Variants in ZMAT3 observed in about 807,000 individuals in gnomAD.
ZMAT3 encodes the protein zinc finger matrin-type 3, also known as zinc finger matrin-type protein 3.
ZMAT3 carries 17 observed loss-of-function variants against 32.3 expected under a neutral mutation model. The observed-to-expected ratio is 0.53, with a 90% CI of 0.36 to 0.79. The LOEUF (loss-of-function observed/expected upper bound fraction) is 0.79, where lower values mean the gene tolerates loss of function less well. Ranked by LOEUF, ZMAT3 falls within the 30% of genes least tolerant of loss-of-function variation. ZMAT3 has a pLI of 0.00. For synonymous variants in ZMAT3, 120 were observed against 133.1 expected (o/e 0.90, Z 0.68); for missense variants, 329 against 359.7 (o/e 0.91, Z 0.69).
In ZMAT3 at chr3:179,017,624, G is replaced by C. The variant is rs892571368; in HGVS notation, c.*7393C>G. On this transcript the variant is annotated 3_prime_UTR_variant, in exon 6 of 6. Transcript: ENST00000311417. ...ACACAGTTTGGGCTGACATTTTTTA[G>C]CTATATCCTTTATCAAAGATAGTTC... 4.6e-5 allele frequency: 7 copies of C among 152,090 alleles called. No homozygotes were observed. The highest frequency in any genetic ancestry group is 1.7e-4 in the African/African-American group (7 of 41,408). 9.4% of individuals were successfully genotyped at this position (152,090 alleles called of 1,614,324 possible).
intron 2 of ZMAT3, among the ~76,000 whole-genome samples, chr3:179,064,912 T>G (rs1220955690): frequency 6.6e-6 from 1 of 152,250 alleles, no homozygotes; most frequent in East Asian, 1.9e-4. Context: ...CACTCTCATC[T>G]TGACCATTTC....
In ZMAT3 at chr3:179,024,882, T is replaced by A; in HGVS notation, c.*135A>T. 1.2e-4 allele frequency: 73 copies of A among 618,430 alleles called. No individual in the cohort carries two copies. Among genetic ancestry groups the A allele is most frequent in the Middle Eastern group, 1.0e-3 (2 of 1,940 alleles). The allele number at this position is 618,430 out of a possible 1,614,324, so 38.3% of individuals were successfully genotyped here. ...CGGGCCCCCAGGTTTTGACATCTCA[T>A]GGTACCACTGTGGGTTACATGTATT... On this transcript the variant is annotated 3_prime_UTR_variant, in exon 6 of 6. Coordinates refer to ENST00000311417, the MANE Select transcript of ZMAT3 (RefSeq NM_022470.4).
upstream of ZMAT3, chr3:179,072,351 A>C (rs1351999201): frequency 1.4e-5 from 2 of 147,610 alleles, no homozygotes; most frequent in African/African-American, 5.0e-5. Flanking sequence ...CCACACACAC[A>C]CCTTCCCTCC....
intron 2 of ZMAT3, among the ~76,000 whole-genome samples, chr3:179,066,765 T>C (rs1257010002): frequency 6.6e-6 from 1 of 152,248 alleles, no homozygotes; most frequent in East Asian, 1.9e-4. Flanking sequence ...AGTTTAATTT[T>C]CCATTTGTTC....
chr3:179,024,849 C>T lies in ZMAT3; in HGVS notation c.*168G>A. The stretch of plus-strand genomic sequence containing the variant: ...GTTCTTCACACCCACCTCCCCCCGC[C>T]CCGCCCCCGGGCCCCCAGGTTTTGA... On this transcript the variant is annotated 3_prime_UTR_variant, in exon 6 of 6. Transcript: ENST00000311417. The T allele has an allele frequency of 4.0e-6, 2 of 503,518 alleles. No individual in the cohort carries two copies. Among genetic ancestry groups the T allele is most frequent in the Non-Finnish European group, 7.1e-6 (2 of 281,470 alleles). The allele number at this position is 503,518 out of a possible 1,614,324, so 31.2% of individuals were successfully genotyped here. A position where few individuals can be genotyped will look rare whatever the true frequency, so the allele number is the denominator to read the frequency against.
chr3:179,025,292 T>TTTG, intron 5 of ZMAT3, 64 bp from the exon 6 acceptor site: 1 of 1,284,250 alleles, frequency 7.8e-7, no homozygotes, highest in African/African-American at 1.5e-5. Context: ...ACCTGACCAA[T>TTTG]TATCACTGTA....
chr3:179,019,864 A>T lies in ZMAT3; in HGVS notation c.*5153T>A, dbSNP rs915326998. On this transcript the variant is annotated 3_prime_UTR_variant, in exon 6 of 6. Coordinates refer to ENST00000311417, the MANE Select transcript of ZMAT3 (RefSeq NM_022470.4). ...GAAGACAAGTTTGAAAATGACCACTAGAATAAAGAATTTTTCCAAACATCA... is the reference window on the plus strand; with the variant it reads ...GAAGACAAGTTTGAAAATGACCACTTGAATAAAGAATTTTTCCAAACATCA... 1.1e-4 allele frequency: 17 copies of T among 152,258 alleles called. No individual in the cohort carries two copies. Among genetic ancestry groups the T allele is most frequent in the African/African-American group, 4.1e-4 (17 of 41,544 alleles). 9.4% of individuals were successfully genotyped at this position (152,258 alleles called of 1,614,324 possible).
chr3:179,072,135 C>T (rs959186638), upstream of ZMAT3: 3 of 152,570 alleles, frequency 2.0e-5, no homozygotes, highest in Non-Finnish European at 4.4e-5. Flanking sequence ...CAACTTTCAT[C>T]TCCAGTCATT....
chr3:179,032,915 C>A (rs998770370), intron 2 of ZMAT3, among the ~76,000 whole-genome samples: 1 of 151,978 alleles, frequency 6.6e-6, no homozygotes, highest in Admixed American at 6.5e-5. Flanking sequence ...GGTGGGGGGG[C>A]GTCTCTGCCC....
intron 1 of ZMAT3, among the ~76,000 whole-genome samples, chr3:179,068,502 A>C (rs573644144): frequency 6.6e-6 from 1 of 151,384 alleles, no homozygotes; most frequent in African/African-American, 2.4e-5. Flanking sequence ...ACAGAGCAAG[A>C]CTGTGACTCA....
intron 2 of ZMAT3, among the ~76,000 whole-genome samples, chr3:179,042,197 TC>T (rs770499034): frequency 6.6e-5 from 10 of 151,812 alleles, no homozygotes; most frequent in Non-Finnish European, 1.5e-4. Context: ...ACTATTCCAA[TC>T]AATAAAAAGA....
intron 2 of ZMAT3, among the ~76,000 whole-genome samples, chr3:179,055,838 T>C (rs1015657272): frequency 3.3e-5 from 5 of 152,146 alleles, no homozygotes; most frequent in Non-Finnish European, 7.4e-5. Context: ...GCCCGAGAGT[T>C]TGGCGATCTT....
At chr3:179,030,730 A>G (rs1396125695) in intron 3 of ZMAT3, 150 bp downstream of exon 3, 1 of 1,213,126 alleles carries the variant, frequency 8.2e-7, no homozygotes, top group Non-Finnish European at 1.1e-6. Flanking sequence ...ACTGTAGTTC[A>G]AGGAGTTAAA....
At position 179,040,100 on chromosome 3, in the gene ZMAT3, G is replaced by A. The variant is rs572389844; in HGVS notation, c.271-9101C>T. Among the ~76,000 whole-genome samples, 11 of 152,274 alleles carry A rather than the reference G, an allele frequency of 7.2e-5. No homozygotes were observed. In the South Asian group the frequency reaches 8.3e-4, roughly 11 times the overall value. On this transcript the variant is annotated intron_variant, in intron 2 of 5. Transcript: ENST00000311417. ...GACTATGTGAAAAGACCAAATCTACGTTTGATTGGTGTACCTGAAAGTGAT... is the reference window on the plus strand; with the variant it reads ...GACTATGTGAAAAGACCAAATCTACATTTGATTGGTGTACCTGAAAGTGAT...
chr3:179,031,541 G>A (rs1229043044), intron 2 of ZMAT3, among the ~76,000 whole-genome samples: 1 of 152,138 alleles, frequency 6.6e-6, no homozygotes. Flanking sequence ...GGCTCTAACA[G>A]AACAATTAAA....
intron 2 of ZMAT3, among the ~76,000 whole-genome samples, chr3:179,041,860 GAGA>G (rs1719951660): frequency 6.6e-6 from 1 of 151,810 alleles, no homozygotes. Context: ...GAAGAAAAGA[GAGA>G]AGAATCAAAT....
At chr3:179,025,317 G>GAA in intron 5 of ZMAT3, 89 bp from the exon 6 acceptor site, 2 of 1,091,488 alleles carry the variant, frequency 1.8e-6, no homozygotes, top group Non-Finnish European at 2.6e-6. Flanking sequence ...GTAATTCTAA[G>GAA]TTCAAATTAT....
chr3:179,052,449 C>T (rs991867524), intron 2 of ZMAT3, among the ~76,000 whole-genome samples: 2 of 152,158 alleles, frequency 1.3e-5, no homozygotes, highest in African/African-American at 4.8e-5. Context: ...AACATGATAC[C>T]ACCTTACTCC....
rs1718772183 is a variant in ZMAT3 at position 179,024,806 on chromosome 3, T to C, written c.*211A>G. The C allele has an allele frequency of 5.4e-6, 3 of 555,186 alleles. No homozygotes were observed. In the Admixed American group the frequency reaches 9.0e-5, roughly 17 times the overall value. The allele number at this position is 555,186 out of a possible 1,614,324, so 34.4% of individuals were successfully genotyped here. On this transcript the variant is annotated 3_prime_UTR_variant, in exon 6 of 6. Transcript: ENST00000311417. ...CAACACCATTGACCCTGCAAAAGCG[T>C]TATGACCTAAGAAGCACGTTCTTCA...
Sources: gnomAD v4.1 joint callset for allele counts (sites outside exome capture counted in the v4.1 genomes callset) on GRCh38, gnomAD v4.1.1 for gene constraint, MANE v1.5 for transcripts, NCBI Gene and HGNC (gene_info 2026-07-23, HGNC 2026-07-21) for gene names.